Variants in DACT2 observed in about 807,000 individuals in gnomAD.
DACT2 encodes dishevelled binding antagonist of beta catenin 2.
A neutral mutation model predicts 22.2 loss-of-function variants in DACT2; 20 were observed. The ratio of observed to expected loss-of-function variants is 0.90; its 90% CI spans 0.63 to 1.31. The LOEUF (loss-of-function observed/expected upper bound fraction) is 1.31. DACT2 is among the 50% of genes most tolerant of loss of function. The probability of loss-of-function intolerance (pLI) is 0.00; values close to 1 mark genes in which losing one functional copy is unlikely to be tolerated. For synonymous variants in DACT2, 463 were observed against 479.8 expected, an observed-to-expected ratio of 0.96 and a Z score of 0.46; for missense variants, 1,048 against 1,061.4, an observed-to-expected ratio of 0.99 and a Z score of 0.18.
exon 6 of DACT2, chr6:168,293,191 A>G (rs1338593512): frequency 6.6e-6 from 1 of 152,184 alleles, no homozygotes; most frequent in Non-Finnish European, 1.5e-5. Flanking sequence ...ATGTTTAAGT[A>G]CCATTTAAAA....
At chr6:168,301,474 G>A (rs768914557) in intron 3 of DACT2, among the ~76,000 whole-genome samples, 4 of 152,198 alleles carry the variant, frequency 2.6e-5, no homozygotes, top group Non-Finnish European at 5.9e-5. Context: ...GGCTCTCAGG[G>A]AGCCACATTG....
chr6:168,319,704 G>A lies in DACT2; in HGVS notation c.-71C>T. ...GAGGCCCAGCGCGCGCGGATCCCGA[G>A]CTGTGTCGCGGGTCCTCCTGCGCCT... On this transcript the variant is annotated 5_prime_UTR_variant, in exon 1 of 4. Coordinates refer to ENST00000366795, the MANE Select transcript of DACT2 (RefSeq NM_214462.5). The A allele has an allele frequency of 8.4e-7, 1 of 1,188,264 alleles. No individual in the cohort carries two copies. Among genetic ancestry groups the A allele is most frequent in the Non-Finnish European group, 1.0e-6 (1 of 959,394 alleles). The allele number at this position is 1,188,264 out of a possible 1,614,324, so 73.6% of individuals were successfully genotyped here. A position where few individuals can be genotyped will look rare whatever the true frequency, so the allele number is the denominator to read the frequency against.
intron 3 of DACT2, chr6:168,299,518 T>G (rs190076553): frequency 4.1e-4 from 62 of 152,328 alleles, no homozygotes; most frequent in Non-Finnish European, 7.5e-4. Context: ...ATTTAAATGG[T>G]ATTCTACTCC....
chr6:168,319,675 G>A lies in DACT2; in HGVS notation c.-42C>T. ...CGGCCTCCCGAACCCCACGAGCGGC[G>A]CCGGAGGCCCAGCGCGCGCGGATCC... On this transcript the variant is annotated 5_prime_UTR_variant, in exon 1 of 4. Transcript: ENST00000366795. 8.3e-7 allele frequency: 1 copy of A among 1,206,932 alleles called. No homozygotes were observed. Among genetic ancestry groups the A allele is most frequent in the South Asian group, 3.6e-5 (1 of 27,728 alleles). 74.8% of individuals were successfully genotyped at this position (1,206,932 alleles called of 1,614,324 possible).
chr6:168,307,981 G>C lies in DACT2; in HGVS notation c.1776C>G (p.Pro592=). Residue 592 remains proline (P), a synonymous_variant, in exon 4 of 4, where the codon CCC becomes CCG. Transcript: ENST00000366795. This position sits in a 1 kb window ranked among gnomAD's most constrained non-coding sequence, Gnocchi z 5.3. The stretch of plus-strand genomic sequence containing the variant: ...CTGAGGTGAGCAGTGACGCCTCAAA[G>C]GGGAACAGGGCTTGGGCTGAGGTCC... ...SHRTSAQALF[P]FEASLLTSVA... 6.4e-7 allele frequency: 1 copy of C among 1,551,222 alleles called. No individual in the cohort carries two copies. The highest frequency in any genetic ancestry group is 1.2e-5 in the South Asian group (1 of 84,028).
At chr6:168,315,748 A>T (rs1032070696) in intron 1 of DACT2, among the ~76,000 whole-genome samples, 1 of 152,196 alleles carries the variant, frequency 6.6e-6, no homozygotes, top group Non-Finnish European at 1.5e-5. Context: ...CCTGCAGGCT[A>T]AATCTGCTCA....
chr6:168,307,052 G>A lies in DACT2; in HGVS notation c.*380C>T. On this transcript the variant is annotated 3_prime_UTR_variant, in exon 4 of 4. Coordinates refer to ENST00000366795, the MANE Select transcript of DACT2 (RefSeq NM_214462.5). This position sits in a 1 kb window ranked among gnomAD's most constrained non-coding sequence, Gnocchi z 5.3. ...ACCGCCTCTTTAAAATGCTTTTGGG[G>A]AGGAATGGTCAAAGGATTGGGAAAC... 1 of 1,026,928 alleles carries A rather than the reference G, an allele frequency of 9.7e-7. No individual in the cohort carries two copies. Among genetic ancestry groups the A allele is most frequent in the South Asian group, 4.2e-5 (1 of 23,672 alleles). 63.6% of individuals were successfully genotyped at this position (1,026,928 alleles called of 1,614,324 possible). A position where few individuals can be genotyped will look rare whatever the true frequency, so the allele number is the denominator to read the frequency against.
intron 1 of DACT2, 70 bp downstream of exon 1, chr6:168,319,318 T>C: frequency 8.6e-7 from 1 of 1,160,750 alleles, no homozygotes; most frequent in Non-Finnish European, 1.1e-6. Flanking sequence ...TAACACACAG[T>C]CGCTGCCGAA....
intron 1 of DACT2, among the ~76,000 whole-genome samples, chr6:168,319,103 CG>C (rs1050993957): frequency 6.6e-6 from 1 of 152,200 alleles, no homozygotes; most frequent in Non-Finnish European, 1.5e-5. Flanking sequence ...CTGCCAGCTT[CG>C]GGATGCTGGC....
intron 3 of DACT2, 139 bp from the exon 4 acceptor site, chr6:168,309,237 G>T (rs1005772550): frequency 7.4e-7 from 1 of 1,347,458 alleles, no homozygotes; most frequent in East Asian, 2.5e-5. Flanking sequence ...CATGGGAGAC[G>T]GCGACTCACA....
chr6:168,315,177 A>C (rs999195439), intron 1 of DACT2, among the ~76,000 whole-genome samples: 1 of 152,214 alleles, frequency 6.6e-6, no homozygotes, highest in Non-Finnish European at 1.5e-5. Flanking sequence ...CCATGTCAAG[A>C]CGGGGAAATT....
downstream of DACT2, among the ~76,000 whole-genome samples, chr6:168,306,070 G>C (rs7747329): frequency 0.035 from 5,266 of 152,228 alleles, 279 homozygotes; most frequent in African/African-American, 0.12. Context: ...TGTTCCAGAC[G>C]TGAAGTTCCT....
chr6:168,305,913 C>A (rs1010474894), downstream of DACT2, among the ~76,000 whole-genome samples: 1 of 152,094 alleles, frequency 6.6e-6, no homozygotes, highest in African/African-American at 2.4e-5. Flanking sequence ...AAATTGCACA[C>A]AGACGAGCTC....
At chr6:168,302,621 G>A (rs1010832963), downstream of DACT2, among the ~76,000 whole-genome samples, 5 of 152,186 alleles carry the variant, frequency 3.3e-5, no homozygotes, top group Non-Finnish European at 7.3e-5. Context: ...GCTATGTGAG[G>A]GAAGGGTTTG....
At chr6:168,298,073 A>G (rs1465263291) in intron 3 of DACT2, 1 of 152,272 alleles carries the variant, frequency 6.6e-6, no homozygotes, top group Non-Finnish European at 1.5e-5. Flanking sequence ...CACACATTGG[A>G]AAAATGATGA....
chr6:168,308,863 T>C lies in DACT2; in HGVS notation c.894A>G (p.Arg298=). 1 of 1,550,976 alleles carries C rather than the reference T, an allele frequency of 6.4e-7. No individual in the cohort carries two copies. ...LFVLTKETPQ[R]GGPSFPRESP... is the part of the protein sequence containing the mutation. The stretch of plus-strand genomic sequence containing the variant: ...TCTCCCTAGGGAACGAGGGGCCACC[T>C]CTCTGTGGGGTTTCCTTAGTCAGGA... Residue 298 remains arginine, a synonymous_variant, in exon 4 of 4, where the codon AGA becomes AGG. Transcript: ENST00000366795.
rs1287354643 is a variant in DACT2 at position 168,311,259 on chromosome 6, C to T, written c.272G>A (p.Gly91Asp). 1 of 1,550,096 alleles carries T rather than the reference C, an allele frequency of 6.5e-7. No individual in the cohort carries two copies. The highest frequency in any genetic ancestry group is 1.4e-5 in the African/African-American group (1 of 72,990). ...QLSRLRQQDI[G>D]LKTHLDQLDL... Reference sequence around the variant, plus strand: ...CAGCTGGTCCAGGTGGGTCTTCAGGCCGATGTCCTGTTGTCTCAGCCGGGA... The same window carrying T: ...CAGCTGGTCCAGGTGGGTCTTCAGGTCGATGTCCTGTTGTCTCAGCCGGGA... Residue 91 changes from glycine to aspartate, a missense_variant, in exon 2 of 4, where the codon GGC (glycine) becomes GAC (aspartate). Physicochemically the swap from Gly to Asp is moderately conservative, Grantham distance 94 (BLOSUM62 -1). Transcript: ENST00000366795.
chr6:168,294,052 C>G (rs534581830), intron 5 of DACT2: 1 of 703,010 alleles, frequency 1.4e-6, no homozygotes, highest in African/African-American at 1.7e-5. Flanking sequence ...AGAGCACCCA[C>G]GATGCCCATG....
rs1478743178 is a variant in DACT2 at position 168,310,438 on chromosome 6, C to G, written c.388G>C (p.Glu130Gln). Residue 130 changes from glutamate to glutamine, a missense_variant, in exon 3 of 4, where the codon GAG becomes CAG. Transcript: ENST00000366795. ...GAGCAGGATCCACCGTCGCTCATCT[C>G]GTAAAAGCCTGGACGGAGCAGACAA... ...SDSRPSSGFYEMSDGGSCSLS... is the reference protein window; with the variant it reads ...SDSRPSSGFYQMSDGGSCSLS... 2 of 1,549,916 alleles carry G rather than the reference C, an allele frequency of 1.3e-6. No homozygotes were observed. Among genetic ancestry groups the G allele is most frequent in the African/African-American group, 1.4e-5 (1 of 72,958 alleles).
Sources: gnomAD v4.1 joint callset for allele counts (sites outside exome capture counted in the v4.1 genomes callset) on GRCh38, gnomAD v4.1.1 for gene constraint, Gnocchi (gnomAD v3.1) non-coding constraint, MANE v1.5 for transcripts, NCBI Gene and HGNC (gene_info 2026-07-23, HGNC 2026-07-21) for gene names.